Variants in C2 observed in about 807,000 individuals in gnomAD.
C2 encodes complement C2, also known as C3/C5 convertase.
A neutral mutation model predicts 85.2 loss-of-function variants in C2; 64 were observed. The observed-to-expected ratio is 0.75, with a 90% CI of 0.61 to 0.92. C2 has a LOEUF of 0.92. C2 is among the 40% of genes least tolerant of loss of function. The pLI is 0.00. For missense variants in C2, 820 were observed against 971.6 expected, an observed-to-expected ratio of 0.84 and a Z score of 2.07; for synonymous variants, 311 against 370.8, an observed-to-expected ratio of 0.84 and a Z score of 1.85.
At chr6:31,906,311 C>T (rs1767709112) in intron 1 of C2, among the ~76,000 whole-genome samples, 1 of 151,956 alleles carries the variant, frequency 6.6e-6, no homozygotes, top group Non-Finnish European at 1.5e-5. Context: ...TCCCATCCAT[C>T]CCCCTTGACT....
intron 3 of C2, chr6:31,932,249 C>A (rs1221281990): frequency 1.3e-5 from 2 of 149,614 alleles, no homozygotes; most frequent in Non-Finnish European, 2.9e-5. Flanking sequence ...TGGGGGCTGA[C>A]CCCCCCACCT....
In C2 at chr6:31,904,426, G is replaced by A. The variant is rs1376557119; in HGVS notation, c.73+3287G>A. On this transcript the variant is annotated intron_variant, in intron 1 of 3. Transcript: ENST00000452202. The surrounding 1 kb of genome is among the most constrained non-coding windows in gnomAD (Gnocchi z 4.4). ...CTTCCCAGGTTCAAGTGATTCTCCT[G>A]CCTCAACCTCCCAAGTAGCTGGGAT... Among the ~76,000 whole-genome samples the A allele has an allele frequency of 6.6e-6, 1 of 151,982 alleles. No individual in the cohort carries two copies. The highest frequency in any genetic ancestry group is 2.4e-5 in the African/African-American group (1 of 41,334).
intron 1 of C2, among the ~76,000 whole-genome samples, chr6:31,913,284 C>A (rs1466394105): frequency 6.6e-6 from 1 of 151,702 alleles, no homozygotes; most frequent in Non-Finnish European, 1.5e-5. Flanking sequence ...GTAGATAACA[C>A]TGACATCTTG....
At position 31,944,498 on chromosome 6, in the gene C2, C is replaced by T. The variant is rs1328914799; in HGVS notation, c.1903-229C>T. Among the ~76,000 whole-genome samples the T allele has an allele frequency of 1.3e-5, 2 of 152,256 alleles. No homozygotes were observed. The highest frequency in any genetic ancestry group is 4.8e-5 in the African/African-American group (2 of 41,464). The stretch of plus-strand genomic sequence containing the variant: ...CTGGGTTCAAGCGATTCTCCTACTT[C>T]AGCCTCCCGAGTAGCTGAGATTACA... On this transcript the variant is annotated intron_variant, in intron 15 of 17. Coordinates refer to ENST00000299367, the MANE Select transcript of C2 (RefSeq NM_000063.6). This position sits in a 1 kb window ranked among gnomAD's most constrained non-coding sequence, Gnocchi z 5.1.
At chr6:31,909,929 A>G (rs1205540016) in intron 1 of C2, among the ~76,000 whole-genome samples, 1 of 150,290 alleles carries the variant, frequency 6.7e-6, no homozygotes, top group Non-Finnish European at 1.5e-5. Flanking sequence ...TGCCCCGGCT[A>G]GAGTACAGTG....
intron 1 of C2, among the ~76,000 whole-genome samples, chr6:31,908,492 A>C (rs1245277783): frequency 6.6e-6 from 1 of 151,360 alleles, no homozygotes; most frequent in Non-Finnish European, 1.5e-5. Flanking sequence ...ATCTCTACTA[A>C]AAACACAAAA....
chr6:31,927,559 G>A (rs1769350502), upstream of C2: 1 of 1,511,434 alleles, frequency 6.6e-7, no homozygotes. The surrounding 1 kb of genome is among the most constrained non-coding windows in gnomAD (Gnocchi z 4.7). Flanking sequence ...CAGGGCAAAG[G>A]TTTCACCCTT....
Position 31,935,105 on chromosome 6 carries a change from A to G in C2, c.849+806A>G, listed in dbSNP as rs562623167. The G allele has an allele frequency of 1.0e-6, 1 of 976,914 alleles. No individual in the cohort carries two copies. Among genetic ancestry groups the G allele is most frequent in the South Asian group, 4.7e-5 (1 of 21,128 alleles). The allele number at this position is 976,914 out of a possible 1,614,324, so 60.5% of individuals were successfully genotyped here. A position where few individuals can be genotyped will look rare whatever the true frequency, so the allele number is the denominator to read the frequency against. ...GTTCCTCGCCAGAACTTTGTTTTGTAATTGTGCTTTTCACAATACTTCATG... is the reference window on the plus strand; with the variant it reads ...GTTCCTCGCCAGAACTTTGTTTTGTGATTGTGCTTTTCACAATACTTCATG... On this transcript the variant is annotated intron_variant, in intron 6 of 17. Transcript: ENST00000299367. The surrounding 1 kb of genome is among the most constrained non-coding windows in gnomAD (Gnocchi z 4.3).
At chr6:31,927,525 A>G, upstream of C2, 1 of 1,452,066 alleles carries the variant, frequency 6.9e-7, no homozygotes, top group Non-Finnish European at 9.0e-7. The surrounding 1 kb of genome is among the most constrained non-coding windows in gnomAD (Gnocchi z 4.7). Flanking sequence ...TATTGACCCT[A>G]TAGATATATT....
At chr6:31,927,029 T>C (rs760963807), upstream of C2, among the ~76,000 whole-genome samples, 3 of 152,194 alleles carry the variant, frequency 2.0e-5, no homozygotes, top group Non-Finnish European at 4.4e-5. This position sits in a 1 kb window ranked among gnomAD's most constrained non-coding sequence, Gnocchi z 4.7. Flanking sequence ...CTTTGCCAGT[T>C]GGGAATTTCA....
At position 31,945,077 on chromosome 6, in the gene C2, CTTG is replaced by C; in HGVS notation, c.2079+52_2079+54del. On this transcript the variant is annotated intron_variant, in intron 17 of 17. Transcript: ENST00000299367. This position sits in a 1 kb window ranked among gnomAD's most constrained non-coding sequence, Gnocchi z 5.3. ...GACCCAGGGGTTACAGGATCTCAGC[CTTG>C]TTGGGGGGATGAGGGAGGCCTTTGA... 1 of 1,611,680 alleles carries C rather than the reference CTTG, an allele frequency of 6.2e-7. No individual in the cohort carries two copies. The highest frequency in any genetic ancestry group is 8.5e-7 in the Non-Finnish European group (1 of 1,178,872).
intron 9 of C2, among the ~76,000 whole-genome samples, chr6:31,942,482 G>C (rs1008740284): frequency 6.6e-6 from 1 of 151,736 alleles, no homozygotes; most frequent in African/African-American, 2.4e-5. Flanking sequence ...CACAAGCTAA[G>C]GGGTGTTGCC....
At chr6:31,899,182 GTA>G (rs770097322), upstream of C2, among the ~76,000 whole-genome samples, 141 of 151,590 alleles carry the variant, frequency 9.3e-4, no homozygotes, top group Admixed American at 3.2e-3. Context: ...AAAAAATACT[GTA>G]TGTCTCTACT....
rs1046422706 is a variant in C2, at chr6:31,927,851, C to T, written c.46+53C>T. The T allele has an allele frequency of 3.1e-6, 5 of 1,597,222 alleles. No individual in the cohort carries two copies. Among genetic ancestry groups the T allele is most frequent in the Admixed American group, 1.7e-5 (1 of 60,008 alleles). The stretch of plus-strand genomic sequence containing the variant: ...GGGTCCTGTGTGTGAGGTTGGTGCT[C>T]CCAGCTTGAATTCCCATGTGTGAAA... On this transcript the variant is annotated intron_variant, in intron 1 of 17. Transcript: ENST00000299367. The surrounding 1 kb of genome is among the most constrained non-coding windows in gnomAD (Gnocchi z 4.7).
intron 1 of C2, among the ~76,000 whole-genome samples, chr6:31,912,718 T>TAAG (rs1768197891): frequency 6.6e-6 from 1 of 152,014 alleles, no homozygotes. Flanking sequence ...TGTGTGCCTG[T>TAAG]AATCCCAGCT....
intron 9 of C2, among the ~76,000 whole-genome samples, chr6:31,942,378 A>C (rs1179654866): frequency 6.6e-6 from 1 of 151,120 alleles, no homozygotes; most frequent in African/African-American, 2.4e-5. Context: ...ACTGGGGATT[A>C]GGACTCGAAC....
upstream of C2, chr6:31,900,380 C>T: frequency 3.9e-6 from 6 of 1,542,480 alleles, no homozygotes; most frequent in South Asian, 4.8e-5. The surrounding 1 kb of genome is among the most constrained non-coding windows in gnomAD (Gnocchi z 9.7). Context: ...CCCCAGGCTG[C>T]CCCCCGCCCC....
intron 1 of C2, chr6:31,902,023 C>G (rs1449096988): frequency 6.7e-6 from 1 of 149,156 alleles, no homozygotes; most frequent in Admixed American, 6.6e-5. Context: ...CGGCTCGTGC[C>G]GTGTGTTCCA....
In C2 at chr6:31,944,056, C is replaced by G; in HGVS notation, c.1810+63C>G. 4 of 1,593,376 alleles carry G rather than the reference C, an allele frequency of 2.5e-6. No individual in the cohort carries two copies. The highest frequency in any genetic ancestry group is 3.4e-6 in the Non-Finnish European group (4 of 1,162,200). On this transcript the variant is annotated intron_variant, in intron 14 of 17. Coordinates refer to ENST00000299367, the MANE Select transcript of C2 (RefSeq NM_000063.6). This position sits in a 1 kb window ranked among gnomAD's most constrained non-coding sequence, Gnocchi z 5.1. ...CGGGGTTTGGGGGTGATAACAAGGA[C>G]TAGGCTGCAGTCCCCAAGCCAGGAA... is the stretch of plus-strand genomic sequence containing the variant.
Sources: gnomAD v4.1 joint callset for allele counts (sites outside exome capture counted in the v4.1 genomes callset) on GRCh38, gnomAD v4.1.1 for gene constraint, Gnocchi (gnomAD v3.1) non-coding constraint, MANE v1.5 for transcripts, NCBI Gene and HGNC (gene_info 2026-07-23, HGNC 2026-07-21) for gene names.